The following IMMP2L variants were observed in gnomAD, a reference collection of about 807,000 sequenced individuals.
IMMP2L encodes the protein inner mitochondrial membrane peptidase subunit 2.
Under a neutral mutation model 19.3 loss-of-function variants are expected in IMMP2L, and 18 were observed. The observed-to-expected ratio is 0.93, with a 90% CI of 0.64 to 1.38. The LOEUF (loss-of-function observed/expected upper bound fraction) is 1.38, where lower values mean the gene tolerates loss of function less well. Ranked by LOEUF, IMMP2L falls within the 40% of genes most tolerant of loss-of-function variation. The pLI is 0.00. For synonymous variants in IMMP2L, 76 were observed against 73.0 expected, an observed-to-expected ratio of 1.04 and a Z score of -0.21; for missense variants, 233 against 218.2, an observed-to-expected ratio of 1.07 and a Z score of -0.43.
rs73718206 is a variant in IMMP2L, at chr7:111,378,092, A to T, written c.239+109146T>A. 5.6e-3 allele frequency among the ~76,000 whole-genome samples: 857 copies of T among 151,808 alleles called. 15 individuals are homozygous for T. The highest frequency in any genetic ancestry group is 0.018 in the African/African-American group (739 of 41,382). ...TTTTTAACACAACTTTAGATAATAT[A>T]AAAAAAACTGAAATATAATCTCTAA... On this transcript the variant is annotated intron_variant, in intron 3 of 5. Coordinates refer to ENST00000405709, the MANE Select transcript of IMMP2L (RefSeq NM_032549.4).
chr7:111,064,000 T>C (rs1384773802), intron 3 of IMMP2L, among the ~76,000 whole-genome samples: 1 of 152,190 alleles, frequency 6.6e-6, no homozygotes, highest in Non-Finnish European at 1.5e-5. Flanking sequence ...CTAGTATCTT[T>C]TCAGCAGCAC....
chr7:111,180,490 G>GT (rs1807584353), intron 3 of IMMP2L, among the ~76,000 whole-genome samples: 1 of 151,976 alleles, frequency 6.6e-6, no homozygotes, highest in Admixed American at 6.6e-5. Flanking sequence ...AGTTACAACA[G>GT]TAACAGCAAA....
chr7:111,000,628 G>A (rs546810626), intron 3 of IMMP2L, among the ~76,000 whole-genome samples: 1 of 152,328 alleles, frequency 6.6e-6, no homozygotes, highest in Admixed American at 6.5e-5. Flanking sequence ...CAGATCATTT[G>A]AGGTCAAGAG....
intron 2 of IMMP2L, among the ~76,000 whole-genome samples, chr7:111,511,415 C>T (rs570415131): frequency 1.2e-4 from 19 of 152,074 alleles, no homozygotes; most frequent in African/African-American, 4.3e-4. Context: ...GAGGCTGAAA[C>T]GGGCAGATCG....
At chr7:110,804,739 G>A (rs187561711) in intron 5 of IMMP2L, among the ~76,000 whole-genome samples, 18 of 152,184 alleles carry the variant, frequency 1.2e-4, no homozygotes, top group East Asian at 9.7e-4. Flanking sequence ...CCCACTCCCC[G>A]CTGGGGCTGG....
chr7:111,154,054 C>A (rs1366715422), intron 3 of IMMP2L, among the ~76,000 whole-genome samples: 1 of 151,920 alleles, frequency 6.6e-6, no homozygotes, highest in Non-Finnish European at 1.5e-5. Flanking sequence ...TTGCTTTTTT[C>A]TTTTTATGAA....
intron 5 of IMMP2L, among the ~76,000 whole-genome samples, chr7:110,675,346 CT>C (rs1484721136): frequency 6.6e-6 from 1 of 152,048 alleles, no homozygotes. Flanking sequence ...ACAGTAGTGG[CT>C]ACATCCTTTG....
intron 4 of IMMP2L, among the ~76,000 whole-genome samples, chr7:110,926,833 C>A (rs1419199501): frequency 6.6e-6 from 1 of 152,084 alleles, no homozygotes; most frequent in East Asian, 1.9e-4. Context: ...ACACAGTGTC[C>A]TTTTATGAGA....
intron 3 of IMMP2L, among the ~76,000 whole-genome samples, chr7:111,099,490 G>A (rs891694861): frequency 2.0e-5 from 3 of 151,640 alleles, no homozygotes; most frequent in East Asian, 1.9e-4. Context: ...TAGTAGAAGC[G>A]TTCTATATTA....
At chr7:111,313,096 T>G (rs930325556) in intron 3 of IMMP2L, among the ~76,000 whole-genome samples, 2 of 152,164 alleles carry the variant, frequency 1.3e-5, no homozygotes, top group African/African-American at 2.4e-5. Flanking sequence ...TGCTCTGTTA[T>G]TGCTCAACAG....
At chr7:110,968,189 T>C (rs1819756922) in intron 3 of IMMP2L, among the ~76,000 whole-genome samples, 1 of 151,828 alleles carries the variant, frequency 6.6e-6, no homozygotes, top group Non-Finnish European at 1.5e-5. Context: ...GAAGGTAAGA[T>C]TAGATCAGAA....
intron 1 of IMMP2L, among the ~76,000 whole-genome samples, chr7:111,546,627 C>T (rs1688084099): frequency 1.3e-5 from 2 of 152,054 alleles, no homozygotes; most frequent in African/African-American, 2.4e-5. Context: ...AGTACTTCCA[C>T]TATGTCTTTG....
chr7:110,852,605 G>A (rs1024600677), intron 5 of IMMP2L, among the ~76,000 whole-genome samples: 7 of 152,024 alleles, frequency 4.6e-5, no homozygotes, highest in African/African-American at 7.2e-5. Context: ...AGGAGGACAG[G>A]TTTTTATCTT....
intron 5 of IMMP2L, among the ~76,000 whole-genome samples, chr7:110,805,563 T>C (rs1464840398): frequency 6.6e-6 from 1 of 152,026 alleles, no homozygotes; most frequent in African/African-American, 2.4e-5. Context: ...TAAAATAACA[T>C]TAAAAAATTC....
intron 5 of IMMP2L, among the ~76,000 whole-genome samples, chr7:110,704,553 C>G (rs535758146): frequency 1.3e-5 from 2 of 152,196 alleles, no homozygotes; most frequent in Non-Finnish European, 2.9e-5. Flanking sequence ...TCAAACTGCC[C>G]TACCAGAAGT....
In IMMP2L at chr7:111,251,545, A is replaced by C. The variant is rs568501261; in HGVS notation, c.239+235693T>G. Among the ~76,000 whole-genome samples the C allele has an allele frequency of 6.2e-4, 94 of 152,336 alleles. No homozygotes were observed. In the South Asian group the frequency reaches 0.019, roughly 31 times the overall value. ...AGACTGGATAAAGAAAATGTGGTACATGGAATACTATGCAGCCATAAAAAG... is the reference window on the plus strand; with the variant it reads ...AGACTGGATAAAGAAAATGTGGTACCTGGAATACTATGCAGCCATAAAAAG... On this transcript the variant is annotated intron_variant, in intron 3 of 5. Coordinates refer to ENST00000405709, the MANE Select transcript of IMMP2L (RefSeq NM_032549.4).
intron 5 of IMMP2L, chr7:110,724,735 C>T (rs919286519): frequency 6.6e-6 from 1 of 151,908 alleles, no homozygotes; most frequent in African/African-American, 2.4e-5. Context: ...TGGTTCTTAG[C>T]TCCTCAGCTC....
At chr7:111,367,896 T>A (rs567006633) in intron 3 of IMMP2L, among the ~76,000 whole-genome samples, 93 of 152,036 alleles carry the variant, frequency 6.1e-4, no homozygotes, top group African/African-American at 2.2e-3. Context: ...TAGCTATTAT[T>A]TCCATTCACT....
intron 3 of IMMP2L, among the ~76,000 whole-genome samples, chr7:111,086,039 T>C (rs1563226326): frequency 1.3e-5 from 2 of 151,968 alleles, no homozygotes; most frequent in Admixed American, 6.6e-5. Flanking sequence ...ATGTGAGTGA[T>C]GAAATAACAT....
Sources: allele counts gnomAD v4.1 joint callset (sites outside exome capture counted in the v4.1 genomes callset), GRCh38; gene constraint gnomAD v4.1.1; transcripts MANE v1.5; gene names NCBI Gene and HGNC (gene_info 2026-07-23, HGNC 2026-07-21).